Variants in RBFOX1 observed in about 807,000 individuals in gnomAD.
RBFOX1 encodes the protein RNA binding fox-1 homolog 1, also known as RNA binding protein fox-1 homolog 1.
Under a neutral mutation model 57.7 loss-of-function variants are expected in RBFOX1, and 8 were observed. The ratio of observed to expected loss-of-function variants is 0.14; its 90% confidence interval spans 0.08 to 0.25. The LOEUF is 0.25. Ranked by LOEUF, RBFOX1 falls within the 10% of genes least tolerant of loss-of-function variation. The probability of loss-of-function intolerance (pLI) is 1.00; values close to 1 mark genes in which losing one functional copy is unlikely to be tolerated. For missense variants in RBFOX1, 611 were observed against 548.5 expected (o/e 1.11, Z -1.14); for synonymous variants, 326 against 222.4 (o/e 1.47, Z -4.15).
intron 2 of RBFOX1, among the ~76,000 whole-genome samples, chr16:6,536,949 A>G (rs533493570): frequency 6.6e-6 from 1 of 152,210 alleles, no homozygotes; most frequent in African/African-American, 2.4e-5. Context: ...TGTTTCTTCT[A>G]ATACTCTACT....
intron 5 of RBFOX1, among the ~76,000 whole-genome samples, chr16:7,536,543 A>T (rs1206259790): frequency 6.6e-6 from 1 of 152,212 alleles, no homozygotes; most frequent in African/African-American, 2.4e-5. Flanking sequence ...GCAGTGAGCC[A>T]AGATGGCACC....
At chr16:5,763,331 G>C (rs973486325) in intron 3 of RBFOX1, among the ~76,000 whole-genome samples, 2 of 152,180 alleles carry the variant, frequency 1.3e-5, no homozygotes, top group African/African-American at 2.4e-5. Context: ...TGTTCATGCT[G>C]CTCGTTGCCC....
intron 3 of RBFOX1, among the ~76,000 whole-genome samples, chr16:6,707,852 A>T (rs1158577007): frequency 6.6e-6 from 1 of 152,172 alleles, no homozygotes. Context: ...AAAGCGCCAC[A>T]AAGAAAACAT....
At chr16:5,521,108 A>C (rs1397918944) in intron 2 of RBFOX1, among the ~76,000 whole-genome samples, 2 of 152,208 alleles carry the variant, frequency 1.3e-5, no homozygotes, top group Non-Finnish European at 2.9e-5. Context: ...TGAGAAAAAT[A>C]AGCCCCTATC....
intron 3 of RBFOX1, among the ~76,000 whole-genome samples, chr16:6,727,218 C>T (rs897418079): frequency 2.0e-5 from 3 of 152,090 alleles, no homozygotes; most frequent in African/African-American, 7.2e-5. Context: ...GACAATCCCT[C>T]AACCTGCAGA....
chr16:5,913,305 A>G lies in RBFOX1; in HGVS notation c.351+45970A>G, dbSNP rs201708977. ...TGTTTCGACCCACGCAGGGGTTGAT[A>G]TGATTTGAATATTCATCCCCTCCAA... On this transcript the variant is annotated intron_variant, in intron 4 of 19. Coordinates refer to the RBFOX1 transcript ENST00000641259. Among the ~76,000 whole-genome samples, 37 of 152,256 alleles carry G rather than the reference A, an allele frequency of 2.4e-4. No individual in the cohort carries two copies. In the East Asian group the frequency reaches 7.0e-3, roughly 29 times the overall value.
At chr16:6,952,911 G>A (rs963400290) in intron 3 of RBFOX1, among the ~76,000 whole-genome samples, 4 of 152,038 alleles carry the variant, frequency 2.6e-5, no homozygotes, top group Admixed American at 2.6e-4. Flanking sequence ...GGTGGTGGAG[G>A]TTGCAGTGAG....
intron 3 of RBFOX1, among the ~76,000 whole-genome samples, chr16:6,946,828 C>A (rs1453766739): frequency 6.6e-6 from 1 of 152,160 alleles, no homozygotes; most frequent in Non-Finnish European, 1.5e-5. Flanking sequence ...GGCTGGTCTC[C>A]AGTTTCTGAA....
At chr16:5,503,186 T>TGTGCCACAGTGTCCTCCTCTGTGCA (rs2043258938) in intron 2 of RBFOX1, among the ~76,000 whole-genome samples, 1 of 152,178 alleles carries the variant, frequency 6.6e-6, no homozygotes, top group South Asian at 2.1e-4. Context: ...TTAACATCTC[T>TGTGCCACAGTGTCCTCCTCTGTGCA]GTGCCACAGT....
chr16:6,719,755 G>GT (rs760614746), intron 3 of RBFOX1, among the ~76,000 whole-genome samples: 4 of 151,950 alleles, frequency 2.6e-5, no homozygotes, highest in Admixed American at 6.6e-5. Context: ...CAAAATGATG[G>GT]TTTTTTAAAG....
At chr16:6,832,909 C>T (rs1270666115) in intron 3 of RBFOX1, among the ~76,000 whole-genome samples, 1 of 152,194 alleles carries the variant, frequency 6.6e-6, no homozygotes, top group Non-Finnish European at 1.5e-5. Context: ...AGTGTATCTG[C>T]ATTTCTGCAG....
intron 3 of RBFOX1, among the ~76,000 whole-genome samples, chr16:6,950,649 C>G: frequency 6.6e-6 from 1 of 152,014 alleles, no homozygotes; most frequent in Middle Eastern, 3.2e-3. Context: ...AAATCTCTCT[C>G]AAGGATGCAG....
At chr16:7,514,266 T>C (rs1488343575) in intron 4 of RBFOX1, among the ~76,000 whole-genome samples, 1 of 152,186 alleles carries the variant, frequency 6.6e-6, no homozygotes, top group Non-Finnish European at 1.5e-5. Context: ...AAACAAAATT[T>C]GGGCCAGGTT....
chr16:7,463,097 G>C (rs551521906), intron 4 of RBFOX1, among the ~76,000 whole-genome samples: 2 of 152,326 alleles, frequency 1.3e-5, no homozygotes, highest in African/African-American at 4.8e-5. Flanking sequence ...TCCAAGATCA[G>C]GGTAGAGTGA....
At chr16:6,854,740 G>A (rs1450010122) in intron 3 of RBFOX1, among the ~76,000 whole-genome samples, 4 of 151,524 alleles carry the variant, frequency 2.6e-5, no homozygotes, top group African/African-American at 9.7e-5. Flanking sequence ...AACTACAGGC[G>A]CCTGCCATTG....
intron 2 of RBFOX1, among the ~76,000 whole-genome samples, chr16:5,564,973 C>T (rs2046014420): frequency 2.0e-5 from 3 of 152,140 alleles, no homozygotes; most frequent in African/African-American, 7.2e-5. Flanking sequence ...TTAGTTCCTA[C>T]TGGATGAGGG....
At chr16:6,057,120 C>A (rs2097113066) in intron 1 of RBFOX1, 1 of 151,932 alleles carries the variant, frequency 6.6e-6, no homozygotes, top group Admixed American at 6.6e-5. Flanking sequence ...TTTTTGTGAT[C>A]CCTATAAGCA....
intron 11 of RBFOX1, 25 bp downstream of exon 11, chr16:7,630,708 T>A: frequency 6.2e-7 from 1 of 1,613,766 alleles, no homozygotes; most frequent in South Asian, 1.1e-5. Context: ...GTGGCTCTTT[T>A]TGTTTTGTGA....
intron 3 of RBFOX1, among the ~76,000 whole-genome samples, chr16:6,936,128 G>T (rs1325265590): frequency 1.3e-5 from 2 of 152,196 alleles, no homozygotes; most frequent in Non-Finnish European, 2.9e-5. Context: ...TTCAGCTTCT[G>T]TACACTTGAT....
Sources: allele counts gnomAD v4.1 joint callset (sites outside exome capture counted in the v4.1 genomes callset), GRCh38; gene constraint gnomAD v4.1.1; transcripts MANE v1.5; gene names NCBI Gene and HGNC (gene_info 2026-07-23, HGNC 2026-07-21).